ETV6: variants seen among roughly 807,000 people sequenced by gnomAD.
The protein encoded by ETV6 is ETS variant transcription factor 6.
A neutral mutation model predicts 51.1 loss-of-function variants in ETV6; 16 were observed. That is an observed-to-expected ratio of 0.31 (90% confidence interval 0.21 to 0.48). The LOEUF (loss-of-function observed/expected upper bound fraction) is 0.48. ETV6 is among the 20% of genes least tolerant of loss of function. The probability of loss-of-function intolerance (pLI) is 0.99; values close to 1 mark genes in which losing one functional copy is unlikely to be tolerated. For missense variants in ETV6, 458 were observed against 594.8 expected (o/e 0.77, Z 2.39); for synonymous variants, 240 against 224.1 (o/e 1.07, Z -0.64).
intron 2 of ETV6, among the ~76,000 whole-genome samples, chr12:11,765,947 A>G (rs1053413382): frequency 2.6e-5 from 4 of 152,114 alleles, no homozygotes; most frequent in Non-Finnish European, 5.9e-5. Context: ...CGTCTGTGTG[A>G]TGCAGGTATG....
At chr12:11,867,801 T>C (rs1354819810) in intron 4 of ETV6, among the ~76,000 whole-genome samples, 1 of 152,212 alleles carries the variant, frequency 6.6e-6, no homozygotes, top group Non-Finnish European at 1.5e-5. Flanking sequence ...CACATCCTTT[T>C]GGTGAGACTG....
rs188091705 is a variant in ETV6, at chr12:11,723,256, C to T, written c.34-29194C>T. 5.3e-5 allele frequency among the ~76,000 whole-genome samples: 8 copies of T among 152,210 alleles called. No individual in the cohort carries two copies. The Middle Eastern group carries it at 0.01, about 194-fold the overall frequency. ...GTGTGCATTGTAGGTTAGTATGACA[C>T]GGTTATAGGCTCTCTGTAACAATGA... On this transcript the variant is annotated intron_variant, in intron 1 of 7. Coordinates refer to ENST00000396373, the MANE Select transcript of ETV6 (RefSeq NM_001987.5).
At chr12:11,706,123 A>C (rs2120860010) in intron 1 of ETV6, among the ~76,000 whole-genome samples, 1 of 152,384 alleles carries the variant, frequency 6.6e-6, no homozygotes, top group East Asian at 1.9e-4. Flanking sequence ...GAGGTGCATC[A>C]GCCTTGCATC....
At position 11,665,125 on chromosome 12, in the gene ETV6, A is replaced by G. The variant is rs143653630; in HGVS notation, c.33+14965A>G. The stretch of plus-strand genomic sequence containing the variant: ...TGGGCTCAGGTGATTCTCCCATCTC[A>G]GCCTCCCGAGTAGCTGACACCACAG... On this transcript the variant is annotated intron_variant, in intron 1 of 7. Transcript: ENST00000396373. Among the ~76,000 whole-genome samples, 479 of 152,252 alleles carry G rather than the reference A, an allele frequency of 3.1e-3. 7 individuals carry two copies. The highest frequency in any genetic ancestry group is 0.027 in the East Asian group (139 of 5,176).
intron 1 of ETV6, among the ~76,000 whole-genome samples, chr12:11,734,859 T>G (rs1048440138): frequency 6.6e-6 from 1 of 152,158 alleles, no homozygotes; most frequent in Non-Finnish European, 1.5e-5. Flanking sequence ...TTAACCACTA[T>G]GCTATACTGC....
At chr12:11,879,762 C>T (rs1412879371) in intron 5 of ETV6, among the ~76,000 whole-genome samples, 4 of 152,100 alleles carry the variant, frequency 2.6e-5, no homozygotes, top group South Asian at 2.1e-4. Flanking sequence ...GATCCAAAAA[C>T]ATTTTATACA....
chr12:11,804,069 T>C (rs1445063636), intron 2 of ETV6, among the ~76,000 whole-genome samples: 12 of 152,230 alleles, frequency 7.9e-5, no homozygotes, highest in Admixed American at 7.9e-4. Flanking sequence ...TAGTTTTTTC[T>C]ATTTTTTTGC....
At chr12:11,778,650 A>T (rs1186134736) in intron 2 of ETV6, among the ~76,000 whole-genome samples, 2 of 152,196 alleles carry the variant, frequency 1.3e-5, no homozygotes, top group Non-Finnish European at 2.9e-5. Context: ...AGGAAGAGAA[A>T]GGTAACTCCC....
intron 7 of ETV6, among the ~76,000 whole-genome samples, chr12:11,888,031 A>G (rs1476466984): frequency 6.6e-6 from 1 of 152,150 alleles, no homozygotes; most frequent in African/African-American, 2.4e-5. Context: ...GTTTCATGAG[A>G]TCTGGGAGAC....
At chr12:11,751,875 TGTG>T (rs773733708) in intron 1 of ETV6, 4 of 508,226 alleles carry the variant, frequency 7.9e-6, no homozygotes, top group Non-Finnish European at 1.6e-5. Context: ...TATTTTTGGT[TGTG>T]GTGGTTGTAT....
chr12:11,704,710 A>G (rs950471659), intron 1 of ETV6, among the ~76,000 whole-genome samples: 6 of 152,152 alleles, frequency 3.9e-5, no homozygotes, highest in African/African-American at 1.4e-4. Flanking sequence ...ACATGATATT[A>G]TGGGATACAT....
At chr12:11,722,646 C>G (rs1865410832) in intron 1 of ETV6, among the ~76,000 whole-genome samples, 2 of 152,130 alleles carry the variant, frequency 1.3e-5, no homozygotes, top group African/African-American at 2.4e-5. Context: ...ACTGATTTCT[C>G]CTAAAATGAA....
At chr12:11,849,624 A>C (rs1946517485) in intron 3 of ETV6, among the ~76,000 whole-genome samples, 1 of 152,240 alleles carries the variant, frequency 6.6e-6, no homozygotes, top group African/African-American at 2.4e-5. Flanking sequence ...ACCAAAGTAC[A>C]GGGATTGCAG....
chr12:11,883,574 C>A (rs1018320083), intron 5 of ETV6, among the ~76,000 whole-genome samples: 1 of 152,044 alleles, frequency 6.6e-6, no homozygotes, highest in Non-Finnish European at 1.5e-5. Context: ...GGATTACAGG[C>A]GTGAGCCACC....
At chr12:11,751,052 AT>A (rs1866016357) in intron 1 of ETV6, among the ~76,000 whole-genome samples, 1 of 152,128 alleles carries the variant, frequency 6.6e-6, no homozygotes, top group Non-Finnish European at 1.5e-5. Flanking sequence ...TTAAACAGAA[AT>A]ATTCCAACTG....
intron 1 of ETV6, among the ~76,000 whole-genome samples, chr12:11,675,275 G>A (rs1025732226): frequency 6.6e-6 from 1 of 152,108 alleles, no homozygotes; most frequent in Non-Finnish European, 1.5e-5. Context: ...TCTGCCATTT[G>A]TACTTCTGCT....
chr12:11,776,682 TCAC>T (rs1337164562), intron 2 of ETV6, among the ~76,000 whole-genome samples: 1 of 152,120 alleles, frequency 6.6e-6, no homozygotes, highest in Admixed American at 6.5e-5. Context: ...AAATGAAAAA[TCAC>T]CAGCAGCCGC....
chr12:11,746,166 G>C (rs1448783261), intron 1 of ETV6, among the ~76,000 whole-genome samples: 1 of 152,236 alleles, frequency 6.6e-6, no homozygotes, highest in Non-Finnish European at 1.5e-5. Flanking sequence ...TGAGGATGCA[G>C]AGCAACGAAA....
At chr12:11,889,014 T>TATCA (rs1947248338) in intron 7 of ETV6, among the ~76,000 whole-genome samples, 1 of 152,050 alleles carries the variant, frequency 6.6e-6, no homozygotes, top group Admixed American at 6.6e-5. Flanking sequence ...TTCTATTTTT[T>TATCA]ATCATTCTAT....
Sources: allele counts gnomAD v4.1 joint callset (sites outside exome capture counted in the v4.1 genomes callset), GRCh38; gene constraint gnomAD v4.1.1; transcripts MANE v1.5; gene names NCBI Gene and HGNC (gene_info 2026-07-23, HGNC 2026-07-21).